NOTCH4: variants seen among roughly 807,000 people sequenced by gnomAD.
NOTCH4 encodes notch receptor 4.
NOTCH4 carries 138 observed loss-of-function variants against 189.0 expected under a neutral mutation model. That is an observed-to-expected ratio of 0.73 (90% CI 0.64 to 0.84). The LOEUF is 0.84. Among genes scored for constraint, NOTCH4 ranks in the 40% least tolerant of loss-of-function variants. NOTCH4 has a pLI of 0.00. For missense variants in NOTCH4, 2,286 were observed against 2,605.4 expected (o/e 0.88, Z 2.67); for synonymous variants, 942 against 1,032.8 (o/e 0.91, Z 1.69).
chr6:32,200,955 C>T lies in NOTCH4; in HGVS notation c.4191G>A (p.Pro1397=), dbSNP rs768939378. Residue 1397 remains proline, a synonymous_variant, in exon 23 of 30, where the codon CCG becomes CCA. Transcript: ENST00000375023. This position sits in a 1 kb window ranked among gnomAD's most constrained non-coding sequence, Gnocchi z 5.0. ...VDLSRCGPDH[P]ASRCPWDPGL... The stretch of plus-strand genomic sequence containing the variant: ...CAGGGTCCCAGGGACAGCGGGATGC[C>T]GGGTGGTCAGGGCCACAGCGGGACA... 1.7e-5 allele frequency: 28 copies of T among 1,602,994 alleles called. 1 individual carries two copies. The highest frequency in any genetic ancestry group is 1.0e-4 in the South Asian group (9 of 89,518).
chr6:32,196,679 C>G (rs570889054), intron 28 of NOTCH4, among the ~76,000 whole-genome samples: 1 of 152,208 alleles, frequency 6.6e-6, no homozygotes, highest in South Asian at 2.1e-4. Flanking sequence ...ATTCCCCCCC[C>G]TTTCCACAGA....
chr6:32,195,969 GCCTCT>G lies in NOTCH4; in HGVS notation c.5475_5479del (p.Glu1826ProfsTer88). 6.3e-7 allele frequency: 1 copy of G among 1,597,246 alleles called. No homozygotes were observed. The highest frequency in any genetic ancestry group is 8.5e-7 in the Non-Finnish European group (1 of 1,178,602). ...GCGGCCCGGCGTGGCTTTGTGACGG[GCCTCT>G]GGTGGCCCAGCCCCTTCCAGCAGCG... On this transcript the variant is annotated frameshift_variant, in exon 30 of 30. Transcript: ENST00000375023. LOFTEE classifies it low-confidence loss of function (END_TRUNC). The surrounding 1 kb of genome is among the most constrained non-coding windows in gnomAD (Gnocchi z 5.4).
chr6:32,207,484 C>T (rs1483564567), intron 18 of NOTCH4, among the ~76,000 whole-genome samples: 7 of 150,878 alleles, frequency 4.6e-5, no homozygotes, highest in Non-Finnish European at 7.4e-5. Flanking sequence ...ATTAGCCGGG[C>T]GTAGTGGTGT....
At position 32,212,968 on chromosome 6, in the gene NOTCH4, T is replaced by C; in HGVS notation, c.2439-57A>G. 1 of 1,469,968 alleles carries C rather than the reference T, an allele frequency of 6.8e-7. No individual in the cohort carries two copies. The highest frequency in any genetic ancestry group is 9.4e-7 in the Non-Finnish European group (1 of 1,066,208). 91.1% of individuals were successfully genotyped at this position (1,469,968 alleles called of 1,614,324 possible). ...AGAAGTTCGGGCAACAAGGGGAAGG[T>C]AGTGTGTGATATTGTCGGGAGGCAA... On this transcript the variant is annotated intron_variant, in intron 15 of 29. Transcript: ENST00000375023. This position sits in a 1 kb window ranked among gnomAD's most constrained non-coding sequence, Gnocchi z 4.4.
intron 28 of NOTCH4, 95 bp from the exon 29 acceptor site, chr6:32,196,516 C>T (rs1787939331): frequency 4.7e-6 from 7 of 1,476,106 alleles, no homozygotes; most frequent in Admixed American, 4.2e-5. Context: ...AAGGGCTATT[C>T]GGGCCGGCTG....
rs779579784 is a variant in NOTCH4, at chr6:32,212,605, T to C, written c.2549A>G (p.Gln850Arg). 3 of 1,612,250 alleles carry C rather than the reference T, an allele frequency of 1.9e-6. No individual in the cohort carries two copies. Among genetic ancestry groups the C allele is most frequent in the Non-Finnish European group, 1.7e-6 (2 of 1,179,574 alleles). ...SCQTLMDLCAQKPCPRNSHCL... is the reference protein window; with the variant it reads ...SCQTLMDLCARKPCPRNSHCL... ...GTGGGAATTGCGTGGGCAGGGCTTC[T>C]GGGCACATAAGTCCATCAGAGTCTG... Residue 850 changes from glutamine (Q) to arginine (R), a missense_variant, in exon 17 of 30, where the codon CAG becomes CGG. Gln to Arg is a conservative substitution (Grantham distance 43). Transcript: ENST00000375023. The surrounding 1 kb of genome is among the most constrained non-coding windows in gnomAD (Gnocchi z 4.4).
Position 32,222,498 on chromosome 6 carries a change from C to T in NOTCH4, c.451+13G>A. ...CTGCCTGTCCCCTCCTGGCTGCCCC[C>T]AGCAGCGCTTACCTGTCCATCCAGG... On this transcript the variant is annotated intron_variant, in intron 3 of 29. Transcript: ENST00000375023. 6.6e-7 allele frequency: 1 copy of T among 1,505,938 alleles called. No homozygotes were observed. The highest frequency in any genetic ancestry group is 8.8e-7 in the Non-Finnish European group (1 of 1,132,318). The allele number at this position is 1,505,938 out of a possible 1,614,324, so 93.3% of individuals were successfully genotyped here.
chr6:32,215,150 C>T, intron 12 of NOTCH4, 76 bp downstream of exon 12: 2 of 1,323,024 alleles, frequency 1.5e-6, no homozygotes, highest in South Asian at 1.5e-5. Flanking sequence ...ACCTACATCT[C>T]ACTGGCTGTC....
intron 29 of NOTCH4, 43 bp from the exon 30 acceptor site, chr6:32,196,193 C>A: frequency 6.3e-6 from 10 of 1,596,710 alleles, no homozygotes; most frequent in Non-Finnish European, 8.5e-6. Flanking sequence ...AGGCCACGCC[C>A]ACAGGACTGG....
rs776867987 is a variant in NOTCH4, at chr6:32,196,144, T to A, written c.5305A>T (p.Thr1769Ser). The change falls in exon 30 of 30, where the codon ACG becomes TCG. Residue 1769 changes from threonine to serine, a missense_variant. Around this residue, in one of 2 missense-constraint regions of NOTCH4, gnomAD observed 383 missense variants for 343.5 expected, o/e 1.11. Coordinates refer to ENST00000375023, the MANE Select transcript of NOTCH4 (RefSeq NM_004557.4). ...TCCCGCGCCGCCAGGAATAGCGGCGTCTGCTCCTGTACAGAAGAGCCAGGG... is the reference window on the plus strand; with the variant it reads ...TCCCGCGCCGCCAGGAATAGCGGCGACTGCTCCTGTACAGAAGAGCCAGGG... ...DKDAQDNREQ[T>S]PLFLAAREGA... The A allele has an allele frequency of 6.3e-7, 1 of 1,590,280 alleles. No individual in the cohort carries two copies. Among genetic ancestry groups the A allele is most frequent in the African/African-American group, 1.3e-5 (1 of 74,702 alleles).
chr6:32,201,432 G>A lies in NOTCH4; in HGVS notation c.3824C>T (p.Ala1275Val), dbSNP rs758251797. ...GTCACCTCCATCCCAGCCACACTCTGCAGTGTTGCAGCCTTTCTCACAGTG... is the reference window on the plus strand; with the variant it reads ...GTCACCTCCATCCCAGCCACACTCTACAGTGTTGCAGCCTTTCTCACAGTG... ...NGHCEKGCNTAECGWDGGDCR... is the reference protein window; with the variant it reads ...NGHCEKGCNTVECGWDGGDCR... Residue 1275 changes from alanine to valine, a missense_variant, in exon 22 of 30, where the codon GCA becomes GTA. This residue lies in a region of NOTCH4 where 1,903 missense variants were observed against 2,261.9 expected (regional missense o/e 0.84). Transcript: ENST00000375023. This position sits in a 1 kb window ranked among gnomAD's most constrained non-coding sequence, Gnocchi z 5.5. 1 of 1,543,682 alleles carries A rather than the reference G, an allele frequency of 6.5e-7. No homozygotes were observed. Among genetic ancestry groups the A allele is most frequent in the Non-Finnish European group, 8.7e-7 (1 of 1,147,070 alleles).
At position 32,196,990 on chromosome 6, in the gene NOTCH4, G is replaced by A; in HGVS notation, c.5135C>T (p.Ala1712Val). 1.2e-6 allele frequency: 2 copies of A among 1,612,886 alleles called. No individual in the cohort carries two copies. The highest frequency in any genetic ancestry group is 1.7e-6 in the Non-Finnish European group (2 of 1,180,022). Residue 1712 changes from alanine to valine, a missense_variant, in exon 28 of 30, where the codon GCG becomes GTG. By Grantham distance (64) the Ala-to-Val change is moderately conservative (BLOSUM62 0). Coordinates refer to ENST00000375023, the MANE Select transcript of NOTCH4 (RefSeq NM_004557.4). ...TTPLMLAARL[A>V]VEDLVEELIA... ...CAGTTCTTCAACCAGGTCTTCCACC[G>A]CCAGCCTGGCAGCCAGCATCAAGGG...
intron 8 of NOTCH4, among the ~76,000 whole-genome samples, chr6:32,219,100 C>A (rs1481841405): frequency 1.3e-5 from 2 of 152,146 alleles, no homozygotes; most frequent in African/African-American, 2.4e-5. Context: ...TTAAAACTAG[C>A]CTGGAGGTGG....
chr6:32,223,362 AG>A (rs1160867703), intron 1 of NOTCH4, among the ~76,000 whole-genome samples: 2 of 152,118 alleles, frequency 1.3e-5, no homozygotes, highest in Non-Finnish European at 2.9e-5. Context: ...AACAGGGGTC[AG>A]AAGAGGGGCG....
chr6:32,214,306 T>C (rs1256345288), intron 12 of NOTCH4, 51 bp from the exon 13 acceptor site: 1 of 1,594,720 alleles, frequency 6.3e-7, no homozygotes, highest in South Asian at 1.1e-5. Context: ...ACTGCTTATG[T>C]TCCCCTCCCT....
Position 32,200,579 on chromosome 6 carries a change from A to T in NOTCH4, c.4315+252T>A, listed in dbSNP as rs1459188538. On this transcript the variant is annotated intron_variant, in intron 23 of 29. Transcript: ENST00000375023. The surrounding 1 kb of genome is among the most constrained non-coding windows in gnomAD (Gnocchi z 5.0). ...AGGTATTCTCAGTCTGGTAGAGAAGATAAACCATCCCTTTGTTGGAGGGCT... is the reference window on the plus strand; with the variant it reads ...AGGTATTCTCAGTCTGGTAGAGAAGTTAAACCATCCCTTTGTTGGAGGGCT... Among the ~76,000 whole-genome samples the T allele has an allele frequency of 6.6e-6, 1 of 152,242 alleles. No individual in the cohort carries two copies. Among genetic ancestry groups the T allele is most frequent in the African/African-American group, 2.4e-5 (1 of 41,466 alleles).
rs1789696512 is a variant in NOTCH4 at position 32,220,602 on chromosome 6, T to G, written c.962A>C (p.Gln321Pro). The G allele has an allele frequency of 6.2e-7, 1 of 1,613,664 alleles. No homozygotes were observed. The highest frequency in any genetic ancestry group is 8.5e-7 in the Non-Finnish European group (1 of 1,179,876). ...CCCGTTTCTGCAGTGAGGGGGACCC[T>G]GGGTCTCACACTCATCCACATCTTC... Reference protein sequence around the residue: ...CSEDVDECETQGPPHCRNGGT... With the variant: ...CSEDVDECETPGPPHCRNGGT... Residue 321 changes from glutamine to proline, a missense_variant, in exon 6 of 30, where the codon CAG becomes CCG. Transcript: ENST00000375023.
intron 3 of NOTCH4, among the ~76,000 whole-genome samples, chr6:32,222,089 G>A (rs896927356): frequency 6.6e-6 from 1 of 151,992 alleles, no homozygotes; most frequent in Admixed American, 6.5e-5. Flanking sequence ...CCTTCCCGGT[G>A]CCCCTCCCAC....
rs780986769 is a variant in NOTCH4 at position 32,212,839 on chromosome 6, G to A, written c.2511C>T (p.Thr837=). Residue 837 remains threonine (T), a synonymous_variant, in exon 16 of 30, where the codon ACC becomes ACT. Coordinates refer to ENST00000375023, the MANE Select transcript of NOTCH4 (RefSeq NM_004557.4). This position sits in a 1 kb window ranked among gnomAD's most constrained non-coding sequence, Gnocchi z 4.4. ...TGGCCCTCACCTGGCAGCTGCCTCC[G>A]GTGTAGCCAGTGGGGCAGAGGCAGC... The part of the protein sequence containing the change: ...GPRCLCPTGY[T]GGSCQTLMDL... 14 of 1,545,636 alleles carry A rather than the reference G, an allele frequency of 9.1e-6. No homozygotes were observed. The highest frequency in any genetic ancestry group is 8.0e-5 in the Admixed American group (4 of 49,938).
Sources: allele counts gnomAD v4.1 joint callset (sites outside exome capture counted in the v4.1 genomes callset), GRCh38; gene constraint gnomAD v4.1.1; regional missense constraint gnomAD v4.1.1; non-coding constraint Gnocchi (gnomAD v3.1); transcripts MANE v1.5; gene names NCBI Gene and HGNC (gene_info 2026-07-23, HGNC 2026-07-21).